NIBAN2: variants seen among roughly 807,000 people sequenced by gnomAD.
NIBAN2 encodes the protein protein Niban 2.
A neutral mutation model predicts 81.8 loss-of-function variants in NIBAN2; 36 were observed. The ratio of observed to expected loss-of-function variants is 0.44; its 90% CI spans 0.34 to 0.58. NIBAN2 has a LOEUF of 0.58. Among genes scored for constraint, NIBAN2 ranks in the 20% least tolerant of loss-of-function variants. The pLI, the probability that NIBAN2 is intolerant of heterozygous loss-of-function variation, is 0.02. For missense variants in NIBAN2, 897 were observed against 1,014.1 expected, an observed-to-expected ratio of 0.88 and a Z score of 1.57; for synonymous variants, 445 against 441.6, an observed-to-expected ratio of 1.01 and a Z score of -0.10.
At position 127,516,904 on chromosome 9, in the gene NIBAN2, A is replaced by G. The variant is rs371085080; in HGVS notation, c.926T>C (p.Met309Thr). The G allele has an allele frequency of 1.2e-5, 20 of 1,614,052 alleles. No homozygotes were observed. The highest frequency in any genetic ancestry group is 3.3e-5 in the Admixed American group (2 of 60,004). Residue 309 changes from methionine (M) to threonine (T), a missense_variant, in exon 8 of 14, where the codon ATG becomes ACG. Met to Thr is a moderately conservative substitution (Grantham distance 81, BLOSUM62 -1). This residue lies in a region of NIBAN2 where 619 missense variants were observed against 691.0 expected (regional missense o/e 0.90). Transcript: ENST00000373312. ...CTCCTTGGAGGTGATAATTTGGTCCATGTCAGTTCGGATGACGGCCTGCAT... is the reference window on the plus strand; with the variant it reads ...CTCCTTGGAGGTGATAATTTGGTCCGTGTCAGTTCGGATGACGGCCTGCAT... ...PAMQAVIRTD[M>T]DQIITSKEHL...
intron 1 of NIBAN2, among the ~76,000 whole-genome samples, chr9:127,541,877 T>C (rs1196665600): frequency 6.6e-6 from 1 of 152,058 alleles, no homozygotes; most frequent in African/African-American, 2.4e-5. Context: ...ACAGGGCCTA[T>C]GGGATTCCCA....
intron 5 of NIBAN2, among the ~76,000 whole-genome samples, chr9:127,520,065 CACACCCAGCCGCT>C (rs1239944751): frequency 1.3e-5 from 2 of 152,136 alleles, no homozygotes; most frequent in East Asian, 3.9e-4. Flanking sequence ...TCTCTTTCTG[CACACCCAGCCGCT>C]GAGTGTGACA....
At chr9:127,527,977 G>A (rs1236924598) in intron 2 of NIBAN2, among the ~76,000 whole-genome samples, 1 of 152,188 alleles carries the variant, frequency 6.6e-6, no homozygotes, top group Non-Finnish European at 1.5e-5. Context: ...TGACCTACAT[G>A]GGCTGCAGAA....
intron 1 of NIBAN2, among the ~76,000 whole-genome samples, chr9:127,566,701 C>T (rs1292478458): frequency 6.6e-6 from 1 of 152,068 alleles, no homozygotes; most frequent in Admixed American, 6.6e-5. Context: ...AGAACAAGGC[C>T]TCAGGTAGGG....
chr9:127,518,168 C>A (rs1396401369), intron 5 of NIBAN2, among the ~76,000 whole-genome samples: 11 of 152,212 alleles, frequency 7.2e-5, no homozygotes, highest in Non-Finnish European at 1.6e-4. Flanking sequence ...CCCTTGCCTC[C>A]TCCTTAGCTC....
intron 1 of NIBAN2, among the ~76,000 whole-genome samples, chr9:127,533,442 G>A (rs1203036667): frequency 6.6e-6 from 1 of 152,202 alleles, no homozygotes; most frequent in East Asian, 1.9e-4. Flanking sequence ...GGGCGACAGA[G>A]CGAGACTCCA....
intron 5 of NIBAN2, among the ~76,000 whole-genome samples, chr9:127,522,100 G>C (rs974699302): frequency 6.6e-6 from 1 of 152,158 alleles, no homozygotes; most frequent in East Asian, 1.9e-4. Context: ...CCCTGGGCCA[G>C]GCAGCCAGAG....
intron 5 of NIBAN2, among the ~76,000 whole-genome samples, chr9:127,523,169 TAA>T (rs1159040869): frequency 3.3e-3 from 37 of 11,326 alleles, no homozygotes; most frequent in African/African-American, 4.3e-3. Context: ...TTGGTGGTTT[TAA>T]AAAAAAAAAA....
Position 127,508,932 on chromosome 9 carries a change from G to A in NIBAN2, c.1317+44C>T. 1 of 1,609,666 alleles carries A rather than the reference G, an allele frequency of 6.2e-7. No homozygotes were observed. Among genetic ancestry groups the A allele is most frequent in the South Asian group, 1.1e-5 (1 of 90,950 alleles). On this transcript the variant is annotated intron_variant, in intron 10 of 13. Coordinates refer to ENST00000373312, the MANE Select transcript of NIBAN2 (RefSeq NM_022833.4). The surrounding 1 kb of genome is among the most constrained non-coding windows in gnomAD (Gnocchi z 6.4). ...CCCTGGGCGAGGGGGCCTGTGGAAGGCAGTGGACAGGGTGTGGGGTGGGGG... is the reference window on the plus strand; with the variant it reads ...CCCTGGGCGAGGGGGCCTGTGGAAGACAGTGGACAGGGTGTGGGGTGGGGG...
rs549330151 is a variant in NIBAN2, at chr9:127,552,874, T to C, written c.55+15946A>G. ...GCCTGGCTAATTTTTGTATTTTAAGTAGAGACAGGGTTTCACTATGTTGGC... is the reference window on the plus strand; with the variant it reads ...GCCTGGCTAATTTTTGTATTTTAAGCAGAGACAGGGTTTCACTATGTTGGC... On this transcript the variant is annotated intron_variant, in intron 1 of 13. Transcript: ENST00000373312. 2.6e-5 allele frequency among the ~76,000 whole-genome samples: 4 copies of C among 152,040 alleles called. 1 individual carries two copies. Among genetic ancestry groups the C allele is most frequent in the African/African-American group, 9.6e-5 (4 of 41,468 alleles).
rs1293477154 is a variant in NIBAN2 at position 127,541,507 on chromosome 9, C to T, written c.56-9729G>A. Among the ~76,000 whole-genome samples the T allele has an allele frequency of 2.0e-5, 3 of 152,200 alleles. No individual in the cohort carries two copies. The East Asian group carries it at 5.8e-4, about 29-fold the overall frequency. On this transcript the variant is annotated intron_variant, in intron 1 of 13. Transcript: ENST00000373312. Reference sequence around the variant, plus strand: ...CAACGTTTGGGCAAAACCATCTCACCCTGGCCTCCGCAGCACCAGCCTGTG... The same window carrying T: ...CAACGTTTGGGCAAAACCATCTCACTCTGGCCTCCGCAGCACCAGCCTGTG...
Position 127,517,996 on chromosome 9 carries a change from C to G in NIBAN2, c.590-55G>C. 1 of 1,211,770 alleles carries G rather than the reference C, an allele frequency of 8.3e-7. No individual in the cohort carries two copies. The highest frequency in any genetic ancestry group is 1.2e-6 in the Non-Finnish European group (1 of 859,398). 75.1% of individuals were successfully genotyped at this position (1,211,770 alleles called of 1,614,324 possible). ...TCAGCAGATGGCCCAGTGGCCTCTA[C>G]CAAGACCAACTGAGAACTGACCAAA... On this transcript the variant is annotated intron_variant, in intron 5 of 13. Coordinates refer to ENST00000373312, the MANE Select transcript of NIBAN2 (RefSeq NM_022833.4). This position sits in a 1 kb window ranked among gnomAD's most constrained non-coding sequence, Gnocchi z 4.0.
At chr9:127,546,391 G>T (rs1178429843) in intron 1 of NIBAN2, among the ~76,000 whole-genome samples, 1 of 152,160 alleles carries the variant, frequency 6.6e-6, no homozygotes, top group Admixed American at 6.5e-5. Context: ...AGGGTGCTCT[G>T]CTGTGGCTCG....
chr9:127,523,186 AAAAAAAATATATATATATATATATAT>A (rs1836979727), intron 5 of NIBAN2, among the ~76,000 whole-genome samples: 2 of 32,920 alleles, frequency 6.1e-5, no homozygotes, highest in South Asian at 1.3e-3. Flanking sequence ...AAAAAAAAAA[AAAAAAAATATATATATATATATATAT>A]ATATATATAT....
chr9:127,535,386 G>A (rs1288349421), intron 1 of NIBAN2, among the ~76,000 whole-genome samples: 1 of 152,236 alleles, frequency 6.6e-6, no homozygotes, highest in South Asian at 2.1e-4. Flanking sequence ...ACAAAAGAGG[G>A]CAAGACTGAG....
intron 1 of NIBAN2, among the ~76,000 whole-genome samples, chr9:127,553,918 A>T (rs1837621159): frequency 6.6e-6 from 1 of 151,928 alleles, no homozygotes; most frequent in African/African-American, 2.4e-5. Flanking sequence ...TCCGGACTGG[A>T]GGTCTGATGG....
chr9:127,523,169 T>TTAAAAAAAAA (rs1836977207), intron 5 of NIBAN2, among the ~76,000 whole-genome samples: 2 of 11,334 alleles, frequency 1.8e-4, no homozygotes, highest in Non-Finnish European at 1.6e-4. Flanking sequence ...TTGGTGGTTT[T>TTAAAAAAAAA]AAAAAAAAAA....
intron 1 of NIBAN2, among the ~76,000 whole-genome samples, chr9:127,542,786 G>C (rs544339628): frequency 6.6e-6 from 1 of 152,214 alleles, no homozygotes; most frequent in Admixed American, 6.5e-5. Context: ...GCAGTGGCAC[G>C]ATCTTGGCTC....
chr9:127,540,837 C>T (rs562668500), intron 1 of NIBAN2, among the ~76,000 whole-genome samples: 12 of 152,364 alleles, frequency 7.9e-5, no homozygotes, highest in Middle Eastern at 3.4e-3. Flanking sequence ...CTGGCTCATC[C>T]GGTCTCTCCA....
Sources: gnomAD v4.1 joint callset for allele counts (sites outside exome capture counted in the v4.1 genomes callset) on GRCh38, gnomAD v4.1.1 for gene constraint, gnomAD v4.1.1 regional missense constraint, Gnocchi (gnomAD v3.1) non-coding constraint, MANE v1.5 for transcripts, NCBI Gene and HGNC (gene_info 2026-07-23, HGNC 2026-07-21) for gene names.